Variants in ZNF728 observed in about 807,000 individuals in gnomAD.
The protein encoded by ZNF728 is zinc finger protein 728.
Under a neutral mutation model 12.5 loss-of-function variants are expected in ZNF728, and 12 were observed. The ratio of observed to expected loss-of-function variants is 0.96; its 90% CI spans 0.61 to 1.55. The LOEUF is 1.55. ZNF728 is among the 40% of genes most tolerant of loss of function. ZNF728 has a pLI of 0.00. For missense variants in ZNF728, 692 were observed against 719.2 expected (o/e 0.96, Z 0.43); for synonymous variants, 205 against 240.7 (o/e 0.85, Z 1.37).
intron 1 of ZNF728, chr19:22,995,350 G>A (rs938781348): frequency 1.2e-4 from 19 of 152,068 alleles, no homozygotes; most frequent in African/African-American, 4.6e-4. Context: ...TCCCTAAGAA[G>A]AATTTCTCTC....
Position 22,976,481 on chromosome 19 carries a change from A to G in ZNF728, c.856T>C (p.Cys286Arg). ...CTAAAGGCTTTGCCACATTCTTCACATTTGTAGGGTTTCTCTCCAGCATGA... is the reference window on the plus strand; with the variant it reads ...CTAAAGGCTTTGCCACATTCTTCACGTTTGTAGGGTTTCTCTCCAGCATGA... Reference protein sequence around the residue: ...RSHAGEKPYKCEECGKAFSKA... With the variant: ...RSHAGEKPYKREECGKAFSKA... The change falls in exon 4 of 4, where the codon TGT (cysteine) becomes CGT (arginine). Residue 286 changes from cysteine (C) to arginine (R), a missense_variant. Around this residue, in one of 3 missense-constraint regions of ZNF728, gnomAD observed 440 missense variants for 459.6 expected, o/e 0.96. Transcript: ENST00000594710. 2 of 1,612,894 alleles carry G rather than the reference A, an allele frequency of 1.2e-6. No individual in the cohort carries two copies. The highest frequency in any genetic ancestry group is 1.3e-5 in the African/African-American group (1 of 74,916).
rs917478060 is a variant in ZNF728 at position 23,003,138 on chromosome 19, AG to A, written c.-109del. On this transcript the variant is annotated 5_prime_UTR_variant, in exon 1 of 4. Transcript: ENST00000594710. ...TAGGAGCGGACGACACACAGCAGTA[AG>A]GACGACACCTTGACCTCCGCGTGCA... 9 of 1,333,220 alleles carry A rather than the reference AG, an allele frequency of 6.8e-6. No homozygotes were observed. The highest frequency in any genetic ancestry group is 8.1e-6 in the Non-Finnish European group (8 of 983,960). The allele number at this position is 1,333,220 out of a possible 1,614,324, so 82.6% of individuals were successfully genotyped here.
At chr19:22,984,619 T>C (rs568058518) in intron 3 of ZNF728, among the ~76,000 whole-genome samples, 20 of 134,456 alleles carry the variant, frequency 1.5e-4, no homozygotes, top group East Asian at 4.6e-4. Context: ...CACACACATA[T>C]ACACACACAT....
At chr19:22,996,147 AG>A (rs1969048175) in intron 1 of ZNF728, among the ~76,000 whole-genome samples, 2 of 152,224 alleles carry the variant, frequency 1.3e-5, no homozygotes, top group Non-Finnish European at 2.9e-5. Context: ...ACTAGTCATA[AG>A]GTATGTAATA....
rs759078523 is a variant in ZNF728, at chr19:22,976,007, C to T, written c.1330G>A (p.Val444Ile). The T allele has an allele frequency of 2.0e-5, 32 of 1,609,786 alleles. No homozygotes were observed. The highest frequency in any genetic ancestry group is 2.6e-5 in the Non-Finnish European group (31 of 1,178,896). ...TAGTGTTTCTCTCCAGTATGAATTA[C>T]TTTATGTTTAGTAAGGCTCGAAAAT... ...TTFSSLTKHK[V>I]IHTGEKHYKC... The change falls in exon 4 of 4, where the codon GTA becomes ATA. Residue 444 changes from valine (V) to isoleucine (I), a missense_variant. Physicochemically the swap from Val to Ile is conservative, Grantham distance 29 (BLOSUM62 3). Coordinates refer to ENST00000594710, the MANE Select transcript of ZNF728 (RefSeq NM_001267716.2).
Position 22,975,523 on chromosome 19 carries a change from G to A in ZNF728, c.1814C>T (p.Ser605Leu). The A allele has an allele frequency of 6.4e-7, 1 of 1,567,938 alleles. No homozygotes were observed. Among genetic ancestry groups the A allele is most frequent in the South Asian group, 1.2e-5 (1 of 85,000 alleles). ...AATTCTCTTATGAGTAGTAAGGTGTGAGGATTGGTTGAAGTCTTTACCACA... is the reference window on the plus strand; with the variant it reads ...AATTCTCTTATGAGTAGTAAGGTGTAAGGATTGGTTGAAGTCTTTACCACA... ...EECGKDFNQS[S>L]HLTTHKRIHT... The change falls in exon 4 of 4, where the codon TCA becomes TTA. Residue 605 changes from serine to leucine, a missense_variant. Physicochemically the swap from Ser to Leu is moderately radical, Grantham distance 145 (BLOSUM62 -2). Transcript: ENST00000594710.
chr19:22,985,224 TA>T (rs1968903508), intron 3 of ZNF728, among the ~76,000 whole-genome samples: 1 of 152,182 alleles, frequency 6.6e-6, no homozygotes, highest in Non-Finnish European at 1.5e-5. Flanking sequence ...ATATGAGATA[TA>T]TAGCTATAAA....
chr19:22,988,238 C>T, intron 2 of ZNF728, 87 bp downstream of exon 2: 5 of 1,595,982 alleles, frequency 3.1e-6, no homozygotes, highest in Non-Finnish European at 4.3e-6. Flanking sequence ...TTCCTGCATT[C>T]ATCCTCCTTT....
chr19:22,995,331 G>C (rs1284565665), intron 1 of ZNF728: 2 of 152,160 alleles, frequency 1.3e-5, no homozygotes, highest in Non-Finnish European at 2.9e-5. Context: ...AAGTCAGCCA[G>C]AAAATATCTC....
chr19:22,999,980 C>G (rs1392946071), intron 1 of ZNF728, among the ~76,000 whole-genome samples: 1 of 152,054 alleles, frequency 6.6e-6, no homozygotes, highest in African/African-American at 2.4e-5. Flanking sequence ...TCTCTACAGC[C>G]GAAATGGAAG....
chr19:22,997,073 G>C (rs1969058195), intron 1 of ZNF728, among the ~76,000 whole-genome samples: 1 of 152,134 alleles, frequency 6.6e-6, no homozygotes, highest in African/African-American at 2.4e-5. Flanking sequence ...GACTACATCT[G>C]ACAAGCACTA....
At chr19:22,978,056 T>G (rs1599526319) in intron 3 of ZNF728, among the ~76,000 whole-genome samples, 1 of 151,940 alleles carries the variant, frequency 6.6e-6, no homozygotes, top group South Asian at 2.1e-4. Context: ...AAATAACTGA[T>G]TCTAAAATTA....
In ZNF728 at chr19:22,988,446, C is replaced by T. The variant is rs61754892; in HGVS notation, c.9G>A (p.Ser3=). The T allele has an allele frequency of 4.2e-5, 68 of 1,613,808 alleles. No individual in the cohort carries two copies. The highest frequency in any genetic ancestry group is 3.9e-4 in the African/African-American group (29 of 75,010). MG[S]LTFRDVAIQF... ...GTATGGCCACATCCCGAAATGTCAA[C>T]GATCCCTGGAAAACACACACAAACA... is the stretch of plus-strand genomic sequence containing the variant. The change falls in exon 2 of 4, where the codon TCG becomes TCA. Residue 3 remains serine, a synonymous_variant. Coordinates refer to ENST00000594710, the MANE Select transcript of ZNF728 (RefSeq NM_001267716.2).
chr19:22,981,124 T>C (rs1968857963), intron 3 of ZNF728, among the ~76,000 whole-genome samples: 1 of 150,328 alleles, frequency 6.7e-6, no homozygotes. Flanking sequence ...AACAAATAGA[T>C]AAGACTGCTA....
intron 1 of ZNF728, 140 bp from the exon 2 acceptor site, chr19:22,988,591 TTC>T: frequency 7.9e-7 from 1 of 1,264,828 alleles, no homozygotes; most frequent in Non-Finnish European, 1.1e-6. Context: ...TAAAATAGTT[TTC>T]AACACAACAA....
chr19:22,997,387 GCCTACA>G (rs1020644009), intron 1 of ZNF728, among the ~76,000 whole-genome samples: 1 of 151,958 alleles, frequency 6.6e-6, no homozygotes, highest in African/African-American at 2.4e-5. Context: ...AAATTAAATG[GCCTACA>G]CCTACACTTG....
chr19:22,976,754 A>G lies in ZNF728; in HGVS notation c.583T>C (p.Tyr195His). The change falls in exon 4 of 4, where the codon TAT becomes CAT. Residue 195 changes from tyrosine (Y) to histidine (H), a missense_variant. This residue lies in a region of ZNF728 where 440 missense variants were observed against 459.6 expected (regional missense o/e 0.96). Coordinates refer to ENST00000594710, the MANE Select transcript of ZNF728 (RefSeq NM_001267716.2). ...LSHLSQHKRI[Y>H]TRENSYKSEE... The stretch of plus-strand genomic sequence containing the variant: ...CTTTTGTAGGAATTCTCTCTAGTAT[A>G]AATTCTTTTATGTTGAGATAGGTGT... 1 of 1,613,404 alleles carries G rather than the reference A, an allele frequency of 6.2e-7. No individual in the cohort carries two copies. The highest frequency in any genetic ancestry group is 8.5e-7 in the Non-Finnish European group (1 of 1,179,864).
chr19:23,001,967 T>C (rs1599535885), intron 1 of ZNF728, among the ~76,000 whole-genome samples: 2 of 152,094 alleles, frequency 1.3e-5, no homozygotes, highest in Non-Finnish European at 2.9e-5. Context: ...GTGAAAATAA[T>C]TAAGTGGCTG....
In ZNF728 at chr19:22,975,683, T is replaced by C. The variant is rs1314169671; in HGVS notation, c.1654A>G (p.Ser552Gly). ...CCAGTATGAATTCTCTTATGTTCAC[T>C]AAGTCTTGAGGACCAGATGAAGGCT... ...GKAFIWSSRL[S>G]EHKRIHTGEK... The change falls in exon 4 of 4, where the codon AGT becomes GGT. Residue 552 changes from serine (S) to glycine (G), a missense_variant. Coordinates refer to ENST00000594710, the MANE Select transcript of ZNF728 (RefSeq NM_001267716.2). 6.2e-7 allele frequency: 1 copy of C among 1,612,032 alleles called. No individual in the cohort carries two copies. The highest frequency in any genetic ancestry group is 1.1e-5 in the South Asian group (1 of 91,058).
Sources: allele counts gnomAD v4.1 joint callset (sites outside exome capture counted in the v4.1 genomes callset), GRCh38; gene constraint gnomAD v4.1.1; regional missense constraint gnomAD v4.1.1; transcripts MANE v1.5; gene names NCBI Gene and HGNC (gene_info 2026-07-23, HGNC 2026-07-21).